The following TANGO6 variants were observed in gnomAD, a reference collection of about 807,000 sequenced individuals.
TANGO6 encodes transport and golgi organization 6 homolog, also known as transport and Golgi organization protein 6 homolog.
In TANGO6, 90 loss-of-function variants were observed where a neutral mutation model predicts 114.2. That is an observed-to-expected ratio of 0.79 (90% CI 0.66 to 0.94). TANGO6 has a LOEUF of 0.94. Among genes scored for constraint, TANGO6 ranks in the 40% least tolerant of loss-of-function variants. The probability of loss-of-function intolerance (pLI) is 0.00; values close to 1 mark genes in which losing one functional copy is unlikely to be tolerated. For synonymous variants in TANGO6, 477 were observed against 509.8 expected, an observed-to-expected ratio of 0.94 and a Z score of 0.87; for missense variants, 1,274 against 1,315.3, an observed-to-expected ratio of 0.97 and a Z score of 0.49.
At chr16:69,063,388 G>A (rs1960157051) in intron 17 of TANGO6, among the ~76,000 whole-genome samples, 1 of 151,968 alleles carries the variant, frequency 6.6e-6, no homozygotes, top group African/African-American at 2.4e-5. Flanking sequence ...AGCCGGGCGT[G>A]ATGGCAGGCG....
At chr16:69,044,337 A>G (rs922480038) in intron 17 of TANGO6, among the ~76,000 whole-genome samples, 1 of 152,066 alleles carries the variant, frequency 6.6e-6, no homozygotes, top group Non-Finnish European at 1.5e-5. Flanking sequence ...TCACTTTGTT[A>G]TTGAAAAACT....
At chr16:69,078,765 A>G (rs1000318281) in intron 17 of TANGO6, among the ~76,000 whole-genome samples, 2 of 151,846 alleles carry the variant, frequency 1.3e-5, no homozygotes, top group Non-Finnish European at 2.9e-5. Flanking sequence ...TTTTTGAGAC[A>G]GAGTCTTGCT....
chr16:68,899,252 G>A (rs1567534908), intron 7 of TANGO6, among the ~76,000 whole-genome samples: 1 of 152,040 alleles, frequency 6.6e-6, no homozygotes, highest in Non-Finnish European at 1.5e-5. Context: ...CAGCCTGGGT[G>A]AGAGAGACCA....
At chr16:68,845,567 T>TG (rs1404039011) in intron 1 of TANGO6, among the ~76,000 whole-genome samples, 1 of 152,146 alleles carries the variant, frequency 6.6e-6, no homozygotes, top group African/African-American at 2.4e-5. Context: ...ATATCTGTAG[T>TG]GGCTGGGCGA....
chr16:69,051,868 A>AT (rs1393390554), intron 17 of TANGO6, among the ~76,000 whole-genome samples: 1 of 147,350 alleles, frequency 6.8e-6, no homozygotes, highest in Admixed American at 6.8e-5. Flanking sequence ...ATATATATAT[A>AT]TTTTTTCCAT....
At chr16:68,885,519 T>G (rs1406809367) in intron 7 of TANGO6, 1 of 152,266 alleles carries the variant, frequency 6.6e-6, no homozygotes, top group Non-Finnish European at 1.5e-5. Flanking sequence ...TTGCCTATTC[T>G]GGACATTTCA....
intron 15 of TANGO6, among the ~76,000 whole-genome samples, chr16:69,010,802 T>A (rs1964136206): frequency 6.6e-6 from 1 of 152,212 alleles, no homozygotes; most frequent in Non-Finnish European, 1.5e-5. Context: ...CCCTTGCATA[T>A]AGTATGTATA....
intron 17 of TANGO6, among the ~76,000 whole-genome samples, chr16:69,070,661 C>G (rs1960285812): frequency 6.7e-6 from 1 of 148,596 alleles, no homozygotes; most frequent in East Asian, 1.9e-4. Context: ...AAAACACACA[C>G]AAAAGATCTT....
intron 14 of TANGO6, among the ~76,000 whole-genome samples, chr16:68,956,308 T>C (rs999041678): frequency 6.6e-6 from 1 of 152,194 alleles, no homozygotes; most frequent in Admixed American, 6.5e-5. Context: ...CATAAGAACC[T>C]GCATTTACTC....
intron 14 of TANGO6, among the ~76,000 whole-genome samples, chr16:68,936,691 C>T (rs1963302265): frequency 6.6e-6 from 1 of 151,896 alleles, no homozygotes; most frequent in African/African-American, 2.4e-5. Context: ...CAGTCACTTT[C>T]AATTATTTAA....
intron 17 of TANGO6, among the ~76,000 whole-genome samples, chr16:69,067,829 C>T (rs528854874): frequency 6.6e-6 from 1 of 150,610 alleles, no homozygotes; most frequent in Non-Finnish European, 1.5e-5. Flanking sequence ...CCCAGCTACT[C>T]GGGAGGCTGA....
chr16:68,958,566 AGAAAG>A (rs911791930), intron 14 of TANGO6, among the ~76,000 whole-genome samples: 1 of 151,578 alleles, frequency 6.6e-6, no homozygotes, highest in African/African-American at 2.4e-5. Context: ...AGGAAAGAAA[AGAAAG>A]GAAAGAAAAA....
intron 14 of TANGO6, among the ~76,000 whole-genome samples, chr16:68,954,249 C>CAA (rs552507549): frequency 0.037 from 2,232 of 60,010 alleles, 121 homozygotes; most frequent in African/African-American, 0.12. Flanking sequence ...GACTCCATCT[C>CAA]AAAAAAAAAA....
chr16:69,018,837 G>A (rs934069816), intron 15 of TANGO6, among the ~76,000 whole-genome samples: 3 of 152,106 alleles, frequency 2.0e-5, no homozygotes, highest in African/African-American at 4.8e-5. Flanking sequence ...TGAGGCCCGG[G>A]AGGCGGAGCT....
intron 17 of TANGO6, among the ~76,000 whole-genome samples, chr16:69,046,309 T>G (rs542320984): frequency 1.1e-4 from 17 of 151,306 alleles, no homozygotes; most frequent in Admixed American, 5.9e-4. Flanking sequence ...ATGTTAGAAT[T>G]ATCAGAAAAG....
At chr16:68,846,694 A>G (rs1961812564) in intron 1 of TANGO6, 1 of 161,812 alleles carries the variant, frequency 6.2e-6, no homozygotes, top group African/African-American at 2.6e-5. Context: ...TTTAGTAGAG[A>G]CAGGTTTTCA....
At position 69,083,828 on chromosome 16, in the gene TANGO6, G is replaced by A; in HGVS notation, c.*167G>A. On this transcript the variant is annotated 3_prime_UTR_variant, in exon 18 of 18. Coordinates refer to ENST00000261778, the MANE Select transcript of TANGO6 (RefSeq NM_024562.2). ...TGGGTCTTCAGGGTCCCTTCCGAGG[G>A]CATGTGTTCAGCACTCCCGCGTTCA... The A allele has an allele frequency of 4.5e-6, 3 of 673,888 alleles. No individual in the cohort carries two copies. In the South Asian group the frequency reaches 6.0e-5, roughly 13 times the overall value. 41.7% of individuals were successfully genotyped at this position (673,888 alleles called of 1,614,324 possible).
chr16:68,973,839 G>C (rs1963734387), intron 14 of TANGO6, 189 bp from the exon 15 acceptor site: 1 of 618,668 alleles, frequency 1.6e-6, no homozygotes, highest in Non-Finnish European at 2.8e-6. Context: ...AAACACAGGA[G>C]TCTCAACTAC....
intron 17 of TANGO6, among the ~76,000 whole-genome samples, chr16:69,060,167 G>C (rs904163860): frequency 3.9e-5 from 6 of 152,046 alleles, no homozygotes; most frequent in African/African-American, 1.2e-4. Flanking sequence ...TTATGAAAAG[G>C]CTTTTTTTTC....
Sources: allele counts gnomAD v4.1 joint callset (sites outside exome capture counted in the v4.1 genomes callset), GRCh38; gene constraint gnomAD v4.1.1; transcripts MANE v1.5; gene names NCBI Gene and HGNC (gene_info 2026-07-23, HGNC 2026-07-21).